The following LINGO2 variants were observed in gnomAD, a reference collection of about 807,000 sequenced individuals.
LINGO2 encodes leucine-rich repeat and immunoglobulin-like domain-containing nogo receptor-interacting protein 2.
Under a neutral mutation model 30.6 loss-of-function variants are expected in LINGO2, and 14 were observed. The ratio of observed to expected loss-of-function variants is 0.46; its 90% CI spans 0.30 to 0.72. The LOEUF (loss-of-function observed/expected upper bound fraction) is 0.72. Ranked by LOEUF, LINGO2 falls within the 30% of genes least tolerant of loss-of-function variation. The probability of loss-of-function intolerance (pLI) is 0.07; values close to 1 mark genes in which losing one functional copy is unlikely to be tolerated. For synonymous variants in LINGO2, 317 were observed against 288.5 expected, an observed-to-expected ratio of 1.10 and a Z score of -1.00; for missense variants, 729 against 751.7, an observed-to-expected ratio of 0.97 and a Z score of 0.35.
chr9:28,192,678 G>C (rs1165273028), intron 4 of LINGO2, among the ~76,000 whole-genome samples: 1 of 152,086 alleles, frequency 6.6e-6, no homozygotes, highest in African/African-American at 2.4e-5. Context: ...TGTTCTACGG[G>C]TCATAATTTT....
At chr9:28,596,944 A>G (rs1048930055) in intron 1 of LINGO2, among the ~76,000 whole-genome samples, 1 of 152,168 alleles carries the variant, frequency 6.6e-6, no homozygotes, top group African/African-American at 2.4e-5. Flanking sequence ...TTCCATGGCT[A>G]TACATCTCAT....
the LINGO2 span, among the ~76,000 whole-genome samples, chr9:28,990,799 T>C: frequency 7.2e-5 from 11 of 152,088 alleles, no homozygotes; most frequent in Non-Finnish European, 1.6e-4. Context: ...GAGGTTCCTG[T>C]CTGTTAGAAG....
chr9:28,571,288 G>A (rs1034948058), intron 1 of LINGO2, among the ~76,000 whole-genome samples: 2 of 151,988 alleles, frequency 1.3e-5, no homozygotes, highest in African/African-American at 2.4e-5. Flanking sequence ...AAAAGTATAA[G>A]TAGTCTTTCA....
chr9:28,902,248 G>A, the LINGO2 span, among the ~76,000 whole-genome samples: 1 of 152,028 alleles, frequency 6.6e-6, no homozygotes, highest in Non-Finnish European at 1.5e-5. Flanking sequence ...AAAACCTAAA[G>A]AGAGCAGGTA....
intron 1 of LINGO2, among the ~76,000 whole-genome samples, chr9:28,482,025 G>T (rs1825990800): frequency 6.6e-6 from 1 of 152,038 alleles, no homozygotes; most frequent in South Asian, 2.1e-4. Flanking sequence ...GTCTATCATT[G>T]TTAGACATTT....
chr9:28,607,521 T>C (rs1384365519), intron 1 of LINGO2, among the ~76,000 whole-genome samples: 1 of 152,064 alleles, frequency 6.6e-6, no homozygotes, highest in Non-Finnish European at 1.5e-5. Context: ...GAAACTGCCT[T>C]GACTCCAAAG....
At chr9:29,063,603 T>A in the LINGO2 span, among the ~76,000 whole-genome samples, 1 of 151,942 alleles carries the variant, frequency 6.6e-6, no homozygotes, top group Non-Finnish European at 1.5e-5. Flanking sequence ...TTTCACCATA[T>A]TGGCCAGGCT....
intron 4 of LINGO2, among the ~76,000 whole-genome samples, chr9:28,123,956 G>A (rs1004399921): frequency 4.6e-5 from 7 of 152,036 alleles, no homozygotes; most frequent in African/African-American, 7.3e-5. Flanking sequence ...GTGAGCCACC[G>A]CACCCAGCCT....
At chr9:28,247,213 C>T (rs1416821613) in intron 4 of LINGO2, among the ~76,000 whole-genome samples, 3 of 152,088 alleles carry the variant, frequency 2.0e-5, no homozygotes, top group African/African-American at 7.2e-5. Context: ...GGATCTAGAA[C>T]CAGAAATGCC....
intron 4 of LINGO2, among the ~76,000 whole-genome samples, chr9:28,035,815 T>C (rs374454048): frequency 5.9e-5 from 9 of 152,144 alleles, no homozygotes; most frequent in African/African-American, 2.2e-4. Context: ...TGAAAGCTCC[T>C]AATTAGCTTT....
chr9:28,659,262 G>T (rs759165804), intron 1 of LINGO2, among the ~76,000 whole-genome samples: 1 of 151,830 alleles, frequency 6.6e-6, no homozygotes, highest in Non-Finnish European at 1.5e-5. Context: ...ATTGAGGAAA[G>T]ATATTAATAT....
At chr9:28,905,163 T>C in the LINGO2 span, among the ~76,000 whole-genome samples, 1 of 151,376 alleles carries the variant, frequency 6.6e-6, no homozygotes, top group Non-Finnish European at 1.5e-5. Flanking sequence ...AGATCTTAAA[T>C]ATAAAACTGT....
chr9:28,373,348 C>T (rs1421364333), intron 2 of LINGO2, among the ~76,000 whole-genome samples: 12 of 152,280 alleles, frequency 7.9e-5, no homozygotes, highest in African/African-American at 2.4e-5. Context: ...CGTCTTCTCT[C>T]TCCTTACTCC....
intron 4 of LINGO2, among the ~76,000 whole-genome samples, chr9:28,053,588 CTG>C (rs750388389): frequency 5.9e-5 from 9 of 152,076 alleles, no homozygotes; most frequent in East Asian, 3.9e-4. Flanking sequence ...AATCAAAACA[CTG>C]TGGCCAGTCT....
chr9:27,939,196 T>C, the LINGO2 span: 12 of 152,210 alleles, frequency 7.9e-5, no homozygotes, highest in African/African-American at 2.9e-4. Context: ...TTGAAATGCT[T>C]GTGTTCTCCA....
chr9:28,674,829 T>C (rs79427943), upstream of LINGO2, among the ~76,000 whole-genome samples: 62 of 152,254 alleles, frequency 4.1e-4, no homozygotes, highest in East Asian at 0.011. Context: ...TGCATAAGGC[T>C]AATAACACAG....
the LINGO2 span, among the ~76,000 whole-genome samples, chr9:28,804,286 C>T: frequency 6.6e-6 from 1 of 152,196 alleles, no homozygotes; most frequent in East Asian, 1.9e-4. Flanking sequence ...CTCTGTCCCT[C>T]AGGTTATAAG....
At chr9:28,278,228 A>G (rs947074187) in intron 4 of LINGO2, among the ~76,000 whole-genome samples, 5 of 152,228 alleles carry the variant, frequency 3.3e-5, no homozygotes, top group Non-Finnish European at 7.3e-5. Flanking sequence ...AGCTGTCTCT[A>G]TAACACAAAA....
intron 4 of LINGO2, among the ~76,000 whole-genome samples, chr9:28,288,558 T>C (rs1263384887): frequency 6.6e-6 from 1 of 152,146 alleles, no homozygotes; most frequent in Non-Finnish European, 1.5e-5. Flanking sequence ...TTTGTTGTTG[T>C]TGTTTTTTCT....
Sources: allele counts gnomAD v4.1 joint callset (sites outside exome capture counted in the v4.1 genomes callset), GRCh38; gene constraint gnomAD v4.1.1; transcripts MANE v1.5; gene names NCBI Gene and HGNC (gene_info 2026-07-23, HGNC 2026-07-21).